Variants in SLC1A7 observed in about 807,000 individuals in gnomAD.
SLC1A7 encodes the protein excitatory amino acid transporter 5.
Under a neutral mutation model 47.7 loss-of-function variants are expected in SLC1A7, and 40 were observed. That is an observed-to-expected ratio of 0.84 (90% CI 0.65 to 1.09). The LOEUF is 1.09. SLC1A7 is among the 50% of genes least tolerant of loss of function. SLC1A7 has a pLI of 0.00. For synonymous variants in SLC1A7, 323 were observed against 325.6 expected, an observed-to-expected ratio of 0.99 and a Z score of 0.09; for missense variants, 746 against 769.5, an observed-to-expected ratio of 0.97 and a Z score of 0.36.
chr1:53,109,027 A>T (rs964841335), intron 3 of SLC1A7, among the ~76,000 whole-genome samples: 1 of 152,138 alleles, frequency 6.6e-6, no homozygotes, highest in African/African-American at 2.4e-5. Flanking sequence ...TGGCAGCTAC[A>T]TAAAACACAG....
In SLC1A7 at chr1:53,132,157, G is replaced by T. The variant is rs1248400605; in HGVS notation, c.215+2193C>A. On this transcript the variant is annotated intron_variant, in intron 2 of 10. Transcript: ENST00000371494. ...GATCATGCAGGGCCTCCTAGACCAG[G>T]TTAATGGTCTGCAGGTTGATTCTAC... Among the ~76,000 whole-genome samples, 4 of 152,148 alleles carry T rather than the reference G, an allele frequency of 2.6e-5. No individual in the cohort carries two copies. In the South Asian group the frequency reaches 8.3e-4, roughly 32 times the overall value.
intron 5 of SLC1A7, among the ~76,000 whole-genome samples, chr1:53,101,370 T>C (rs763219357): frequency 6.9e-5 from 10 of 145,832 alleles, no homozygotes; most frequent in South Asian, 2.2e-4. Flanking sequence ...TTTGGTACAC[T>C]CACACACACT....
At chr1:53,141,099 C>CT in intron 1 of SLC1A7, among the ~76,000 whole-genome samples, 1 of 152,308 alleles carries the variant, frequency 6.6e-6, no homozygotes, top group Admixed American at 6.5e-5. Context: ...TCTGAGCCCT[C>CT]TTTTCCACTG....
chr1:53,090,275 G>A, intron 8 of SLC1A7: 1 of 542,430 alleles, frequency 1.8e-6, no homozygotes, highest in Non-Finnish European at 3.3e-6. Context: ...TGCCTCTGGG[G>A]CCTGGCCTCC....
At chr1:53,122,875 A>G (rs1644840224) in intron 2 of SLC1A7, among the ~76,000 whole-genome samples, 1 of 152,188 alleles carries the variant, frequency 6.6e-6, no homozygotes, top group Non-Finnish European at 1.5e-5. Flanking sequence ...CTCTGGAGCC[A>G]CATGGACCAA....
At chr1:53,136,027 G>T (rs943730194) in intron 1 of SLC1A7, among the ~76,000 whole-genome samples, 2 of 151,804 alleles carry the variant, frequency 1.3e-5, no homozygotes, top group Non-Finnish European at 2.9e-5. Context: ...AAGCTGAACC[G>T]CAAAAGGGAG....
intron 8 of SLC1A7, 143 bp downstream of exon 8, chr1:53,090,469 G>A (rs868602084): frequency 4.0e-5 from 53 of 1,309,642 alleles, no homozygotes; most frequent in African/African-American, 3.0e-4. Context: ...CTCCAGGCTC[G>A]GAGCTCCCAG....
chr1:53,124,507 G>A (rs1440767573), intron 2 of SLC1A7, among the ~76,000 whole-genome samples: 3 of 152,196 alleles, frequency 2.0e-5, no homozygotes. Flanking sequence ...GGATCCAGAT[G>A]CTGGTCTGAC....
chr1:53,106,563 G>A (rs972668770), intron 3 of SLC1A7, among the ~76,000 whole-genome samples: 2 of 149,118 alleles, frequency 1.3e-5, no homozygotes, highest in Non-Finnish European at 3.0e-5. Flanking sequence ...TCGCGCCACT[G>A]CACCCCAGCC....
rs769039537 is a variant in SLC1A7, at chr1:53,087,235, G to A, written c.*774C>T. On this transcript the variant is annotated 3_prime_UTR_variant, in exon 11 of 11. Coordinates refer to ENST00000371494, the MANE Select transcript of SLC1A7 (RefSeq NM_006671.6). ...AACACTGAATTTGCAAACACAGAAA[G>A]GAATAGAAAACCTGACTCCACTTGG... 1.3e-5 allele frequency: 2 copies of A among 152,250 alleles called. No individual in the cohort carries two copies. The highest frequency in any genetic ancestry group is 2.4e-5 in the African/African-American group (1 of 41,456). 9.4% of individuals were successfully genotyped at this position (152,250 alleles called of 1,614,324 possible).
chr1:53,111,293 G>A (rs960362799), intron 3 of SLC1A7, among the ~76,000 whole-genome samples: 6 of 152,162 alleles, frequency 3.9e-5, no homozygotes, highest in Admixed American at 1.3e-4. Flanking sequence ...ACAACGAGGC[G>A]GGTGGGGCTG....
At chr1:53,134,570 C>T in intron 1 of SLC1A7, 141 bp from the exon 2 acceptor site, 2 of 544,192 alleles carry the variant, frequency 3.7e-6, no homozygotes, top group Non-Finnish European at 6.5e-6. Context: ...AAAGAACTGG[C>T]TTTGGAGCCA....
chr1:53,091,118 G>T, intron 7 of SLC1A7: 1 of 667,212 alleles, frequency 1.5e-6, no homozygotes, highest in East Asian at 2.8e-5. Context: ...GGCTGTCTGG[G>T]CTTAGATTCC....
At position 53,138,431 on chromosome 1, in the gene SLC1A7, T is replaced by C. The variant is rs1017485029; in HGVS notation, c.135+3884A>G. Among the ~76,000 whole-genome samples the C allele has an allele frequency of 9.8e-5, 15 of 152,324 alleles. No individual in the cohort carries two copies. In the East Asian group the frequency reaches 2.7e-3, roughly 27 times the overall value. On this transcript the variant is annotated intron_variant, in intron 1 of 10. Transcript: ENST00000371494. ...AAAAGTGTCATTAGGTAGCTGGACA[T>C]TGAACATTCTAATTTTCTTATATTT...
At chr1:53,122,999 C>T (rs1644841634) in intron 2 of SLC1A7, among the ~76,000 whole-genome samples, 1 of 152,092 alleles carries the variant, frequency 6.6e-6, no homozygotes, top group South Asian at 2.1e-4. Flanking sequence ...CTCTGAAGGT[C>T]CCTCCTTCCC....
At chr1:53,128,079 C>T (rs1644902485) in intron 2 of SLC1A7, among the ~76,000 whole-genome samples, 1 of 152,162 alleles carries the variant, frequency 6.6e-6, no homozygotes, top group Admixed American at 6.5e-5. Context: ...CAGGAGATAA[C>T]TGAAGGCACT....
In SLC1A7 at chr1:53,114,983, C is replaced by T. The variant is rs549551803; in HGVS notation, c.216-10G>A. 3.9e-5 allele frequency: 62 copies of T among 1,610,288 alleles called. No homozygotes were observed. The highest frequency in any genetic ancestry group is 3.4e-4 in the South Asian group (31 of 90,764). On this transcript the variant is annotated splice_polypyrimidine_tract_variant and intron_variant, in intron 2 of 10. Coordinates refer to ENST00000371494, the MANE Select transcript of SLC1A7 (RefSeq NM_006671.6). ...AAGTCCGGACATCAAGCTGGGAGGG[C>T]GAGGGGGTCAGGGGCTGTGGTGGGG...
intron 7 of SLC1A7, among the ~76,000 whole-genome samples, chr1:53,091,860 G>T (rs1644425822): frequency 6.6e-6 from 1 of 152,188 alleles, no homozygotes; most frequent in East Asian, 1.9e-4. Flanking sequence ...TGCTCCATAA[G>T]GGACCACTTC....
intron 6 of SLC1A7, among the ~76,000 whole-genome samples, 173 bp downstream of exon 6, chr1:53,093,288 C>A (rs895116491): frequency 3.3e-5 from 5 of 152,170 alleles, no homozygotes; most frequent in African/African-American, 7.2e-5. Context: ...CGGAGCCAGG[C>A]CTGGCTGGGG....
Sources: allele counts gnomAD v4.1 joint callset (sites outside exome capture counted in the v4.1 genomes callset), GRCh38; gene constraint gnomAD v4.1.1; transcripts MANE v1.5; gene names NCBI Gene and HGNC (gene_info 2026-07-23, HGNC 2026-07-21).